DMRT3: variants seen among roughly 807,000 people sequenced by gnomAD.
The protein encoded by DMRT3 is doublesex- and mab-3-related transcription factor 3.
A neutral mutation model predicts 34.9 loss-of-function variants in DMRT3; 29 were observed. The ratio of observed to expected loss-of-function variants is 0.83; its 90% CI spans 0.62 to 1.13. The LOEUF (loss-of-function observed/expected upper bound fraction) is 1.13. Ranked by LOEUF, DMRT3 falls within the 50% of genes most tolerant of loss-of-function variation. The pLI, the probability that DMRT3 is intolerant of heterozygous loss-of-function variation, is 0.00. For missense variants in DMRT3, 772 were observed against 629.1 expected (o/e 1.23, Z -2.43); for synonymous variants, 350 against 286.0 (o/e 1.22, Z -2.26).
rs760447078 is a variant in DMRT3, at chr9:990,237, C to T, written c.651C>T (p.Arg217=). 31 of 1,613,958 alleles carry T rather than the reference C, an allele frequency of 1.9e-5. No homozygotes were observed. The highest frequency in any genetic ancestry group is 1.1e-4 in the East Asian group (5 of 44,876). ...VQKNGGNPES[R]PDSPKCHAEQ... is the part of the protein sequence containing the mutation. ...AAAACGGAGGCAACCCCGAGAGCCG[C>T]CCTGACAGCCCCAAGTGTCACGCGG... Residue 217 remains arginine, a synonymous_variant, in exon 2 of 2, where the codon CGC becomes CGT. Transcript: ENST00000190165.
At position 991,100 on chromosome 9, in the gene DMRT3, C is replaced by T. The variant is rs141089909; in HGVS notation, c.*95C>T. 2.0e-6 allele frequency: 3 copies of T among 1,467,112 alleles called. No individual in the cohort carries two copies. The East Asian group carries it at 6.9e-5, about 34-fold the overall frequency. The allele number at this position is 1,467,112 out of a possible 1,614,324, so 90.9% of individuals were successfully genotyped here. On this transcript the variant is annotated 3_prime_UTR_variant, in exon 2 of 2. Coordinates refer to ENST00000190165, the MANE Select transcript of DMRT3 (RefSeq NM_021240.4). ...GGCCACATCTTGTGTATGCCCTTTCCTTCTGTTTGACAAAGTGACTGTGCT... is the reference window on the plus strand; with the variant it reads ...GGCCACATCTTGTGTATGCCCTTTCTTTCTGTTTGACAAAGTGACTGTGCT...
Position 991,116 on chromosome 9 carries a change from T to G in DMRT3, c.*111T>G. ...TGCCCTTTCCTTCTGTTTGACAAAG[T>G]GACTGTGCTTGATTCTATACATTAG... On this transcript the variant is annotated 3_prime_UTR_variant, in exon 2 of 2. Transcript: ENST00000190165. 7.3e-7 allele frequency: 1 copy of G among 1,363,956 alleles called. No homozygotes were observed. 84.5% of individuals were successfully genotyped at this position (1,363,956 alleles called of 1,614,324 possible). A position where few individuals can be genotyped will look rare whatever the true frequency, so the allele number is the denominator to read the frequency against.
chr9:981,757 A>G (rs933180836), intron 1 of DMRT3, among the ~76,000 whole-genome samples: 2 of 152,168 alleles, frequency 1.3e-5, no homozygotes, highest in Non-Finnish European at 2.9e-5. Flanking sequence ...TGCGGCCGCA[A>G]TGGACTGCCG....
intron 1 of DMRT3, among the ~76,000 whole-genome samples, chr9:981,566 G>A (rs1286498429): frequency 2.0e-5 from 3 of 152,216 alleles, no homozygotes; most frequent in Non-Finnish European, 4.4e-5. Flanking sequence ...CCCACCCCAG[G>A]GCTGGCTCTT....
chr9:987,392 T>A (rs1426380137), intron 1 of DMRT3, among the ~76,000 whole-genome samples: 4 of 151,740 alleles, frequency 2.6e-5, no homozygotes, highest in African/African-American at 9.7e-5. Context: ...CATTCCTTTT[T>A]AAGGCTGAAT....
chr9:990,919 G>T lies in DMRT3; in HGVS notation c.1333G>T (p.Val445Leu), dbSNP rs774532466. The T allele has an allele frequency of 2.5e-6, 4 of 1,613,994 alleles. No individual in the cohort carries two copies. The highest frequency in any genetic ancestry group is 1.3e-5 in the African/African-American group (1 of 74,908). ...CATCCCTGATGATGGGTGTCCATTT[G>T]TGTCAAAGCAGTCCATTTACACCGA... ...ISIPDDGCPF[V>L]SKQSIYTEDD... Residue 445 changes from valine (V) to leucine (L), a missense_variant, in exon 2 of 2, where the codon GTG becomes TTG. Transcript: ENST00000190165.
chr9:977,299 C>T lies in DMRT3; in HGVS notation c.298C>T (p.Pro100Ser). 7.3e-7 allele frequency: 1 copy of T among 1,368,906 alleles called. No homozygotes were observed. Among genetic ancestry groups the T allele is most frequent in the Non-Finnish European group, 9.5e-7 (1 of 1,056,716 alleles). The allele number at this position is 1,368,906 out of a possible 1,614,324, so 84.8% of individuals were successfully genotyped here. The stretch of plus-strand genomic sequence containing the variant: ...GCGCGCTCTGCCAGGGCCCCCGCCG[C>T]CGGGGGACGCCGTCGCCGCCCCGCA... ...SLRALPGPPP[P>S]GDAVAAPQPP... The change falls in exon 1 of 2, where the codon CCG (proline) becomes TCG (serine). Residue 100 changes from proline (P) to serine (S), a missense_variant. By Grantham distance (74) the Pro-to-Ser change is moderately conservative. Transcript: ENST00000190165.
chr9:979,844 T>A (rs1393195573), intron 1 of DMRT3, among the ~76,000 whole-genome samples: 1 of 152,248 alleles, frequency 6.6e-6, no homozygotes, highest in Non-Finnish European at 1.5e-5. Flanking sequence ...ACATTCCATA[T>A]GTATTTAGAA....
intron 1 of DMRT3, among the ~76,000 whole-genome samples, chr9:980,127 T>C (rs1586682441): frequency 6.6e-6 from 1 of 152,292 alleles, no homozygotes; most frequent in East Asian, 1.9e-4. Context: ...ATGGAGTCTT[T>C]CCTCTCCAGA....
In DMRT3 at chr9:991,712, AAAAT is replaced by A. The variant is rs1820365663; in HGVS notation, c.*711_*714del. The stretch of plus-strand genomic sequence containing the variant: ...TGTAGCATGTTAAGGACTCTAGAAA[AAAAT>A]AAACTAAGGAGACGAGCGTGGTTTA... On this transcript the variant is annotated 3_prime_UTR_variant, in exon 2 of 2. Transcript: ENST00000190165. The A allele has an allele frequency of 1.3e-5, 2 of 152,622 alleles. No homozygotes were observed. The highest frequency in any genetic ancestry group is 4.8e-5 in the African/African-American group (2 of 41,458). 9.5% of individuals were successfully genotyped at this position (152,622 alleles called of 1,614,324 possible).
At chr9:982,344 G>C (rs900006880) in intron 1 of DMRT3, among the ~76,000 whole-genome samples, 1 of 152,232 alleles carries the variant, frequency 6.6e-6, no homozygotes, top group Non-Finnish European at 1.5e-5. Context: ...AGGAACCAGA[G>C]TTCTACTGCC....
chr9:982,081 T>C (rs1820227647), intron 1 of DMRT3, among the ~76,000 whole-genome samples: 1 of 152,210 alleles, frequency 6.6e-6, no homozygotes, highest in African/African-American at 2.4e-5. Context: ...TAGAAAGCCT[T>C]CTTTGTTTAT....
intron 1 of DMRT3, among the ~76,000 whole-genome samples, chr9:978,996 T>C (rs1004968429): frequency 1.3e-5 from 2 of 152,222 alleles, no homozygotes; most frequent in African/African-American, 2.4e-5. Flanking sequence ...AGCTCTAGAA[T>C]TGGATTTGTA....
At chr9:989,956 A>C in intron 1 of DMRT3, 85 bp from the exon 2 acceptor site, 2 of 1,522,296 alleles carry the variant, frequency 1.3e-6, no homozygotes, top group Non-Finnish European at 1.8e-6. Flanking sequence ...TCTTCCAAAA[A>C]GCACGTGTAC....
chr9:984,485 T>A (rs1306954235), intron 1 of DMRT3, among the ~76,000 whole-genome samples: 1 of 151,674 alleles, frequency 6.6e-6, no homozygotes, highest in Non-Finnish European at 1.5e-5. Flanking sequence ...TTAGACAGTC[T>A]AATTCTGTCG....
chr9:990,479 C>T lies in DMRT3; in HGVS notation c.893C>T (p.Thr298Ile), dbSNP rs1349887171. ...TCCTCAGTCACGGGAGCAGAGCGAA[C>T]TTCCGCAGAACCTGAGAGTCTAGCG... Reference protein sequence around the residue: ...SRSSVTGAERTSAEPESLALP... With the variant: ...SRSSVTGAERISAEPESLALP... Residue 298 changes from threonine to isoleucine, a missense_variant, in exon 2 of 2, where the codon ACT (threonine) becomes ATT (isoleucine). Coordinates refer to ENST00000190165, the MANE Select transcript of DMRT3 (RefSeq NM_021240.4). 1.9e-6 allele frequency: 3 copies of T among 1,614,200 alleles called. No homozygotes were observed. Among genetic ancestry groups the T allele is most frequent in the Admixed American group, 1.7e-5 (1 of 60,032 alleles).
At chr9:979,385 T>G (rs1386784790) in intron 1 of DMRT3, among the ~76,000 whole-genome samples, 1 of 152,146 alleles carries the variant, frequency 6.6e-6, no homozygotes, top group Non-Finnish European at 1.5e-5. Flanking sequence ...TACTTAGCAC[T>G]CAGGGATAGC....
At position 988,619 on chromosome 9, in the gene DMRT3, A is replaced by G. The variant is rs538795827; in HGVS notation, c.455-1422A>G. Among the ~76,000 whole-genome samples, 25 of 152,296 alleles carry G rather than the reference A, an allele frequency of 1.6e-4. No homozygotes were observed. In the South Asian group the frequency reaches 5.2e-3, roughly 32 times the overall value. ...TCATAAGTAGGCCCTTAAGGCTTTT[A>G]AAATGACAAGTGTAGGAGAAGATTG... On this transcript the variant is annotated intron_variant, in intron 1 of 1. Transcript: ENST00000190165.
chr9:984,728 A>G (rs1175410634), intron 1 of DMRT3, among the ~76,000 whole-genome samples: 1 of 152,112 alleles, frequency 6.6e-6, no homozygotes, highest in African/African-American at 2.4e-5. Context: ...AAGTGCTGGG[A>G]TTACAGGTGT....
Sources: gnomAD v4.1 joint callset for allele counts (sites outside exome capture counted in the v4.1 genomes callset) on GRCh38, gnomAD v4.1.1 for gene constraint, MANE v1.5 for transcripts, NCBI Gene and HGNC (gene_info 2026-07-23, HGNC 2026-07-21) for gene names.